The following COL13A1 variants were observed in gnomAD, a reference collection of about 807,000 sequenced individuals.
COL13A1 encodes the protein collagen alpha-1(XIII) chain.
Under a neutral mutation model 130.9 loss-of-function variants are expected in COL13A1, and 89 were observed. The ratio of observed to expected loss-of-function variants is 0.68; its 90% CI spans 0.57 to 0.81. The LOEUF (loss-of-function observed/expected upper bound fraction) is 0.81. Among genes scored for constraint, COL13A1 ranks in the 30% least tolerant of loss-of-function variants. The probability of loss-of-function intolerance (pLI) is 0.00; values close to 1 mark genes in which losing one functional copy is unlikely to be tolerated. For synonymous variants in COL13A1, 402 were observed against 341.6 expected (o/e 1.18, Z -1.95); for missense variants, 879 against 934.6 (o/e 0.94, Z 0.78).
At chr10:69,836,756 C>G (rs1850176440) in intron 2 of COL13A1, among the ~76,000 whole-genome samples, 1 of 152,144 alleles carries the variant, frequency 6.6e-6, no homozygotes, top group African/African-American at 2.4e-5. Flanking sequence ...TCATGGAGAC[C>G]CTGGGGAGCC....
intron 3 of COL13A1, among the ~76,000 whole-genome samples, chr10:69,869,058 A>T (rs555272165): frequency 6.6e-6 from 1 of 151,540 alleles, no homozygotes; most frequent in Non-Finnish European, 1.5e-5. Flanking sequence ...AGCCTCCTGC[A>T]CACACCTCAC....
intron 38 of COL13A1, among the ~76,000 whole-genome samples, chr10:69,951,829 G>A (rs917288122): frequency 5.3e-5 from 8 of 152,212 alleles, no homozygotes; most frequent in African/African-American, 1.9e-4. Flanking sequence ...TCACCCTGGA[G>A]TGACACAGTT....
intron 1 of COL13A1, among the ~76,000 whole-genome samples, chr10:69,822,055 C>T (rs369141423): frequency 2.0e-5 from 3 of 152,210 alleles, no homozygotes; most frequent in African/African-American, 7.2e-5. Flanking sequence ...CTGAGAAAAG[C>T]ATGTCATTGT....
At chr10:69,832,531 G>A (rs1255629653) in intron 2 of COL13A1, among the ~76,000 whole-genome samples, 1 of 152,218 alleles carries the variant, frequency 6.6e-6, no homozygotes, top group East Asian at 1.9e-4. Flanking sequence ...GACTCCAGAT[G>A]GAGGATATTA....
At chr10:69,863,961 G>A (rs573029667) in intron 2 of COL13A1, among the ~76,000 whole-genome samples, 144 of 152,114 alleles carry the variant, frequency 9.5e-4, no homozygotes, top group Non-Finnish European at 1.9e-3. Flanking sequence ...TCAGCTACTC[G>A]GGAGGCTGAG....
chr10:69,842,149 T>TG (rs1325708430), intron 2 of COL13A1, among the ~76,000 whole-genome samples: 1 of 152,160 alleles, frequency 6.6e-6, no homozygotes, highest in Non-Finnish European at 1.5e-5. Flanking sequence ...GATTGACTCA[T>TG]GGGGGTGGTT....
At chr10:69,846,757 C>T (rs531291964) in intron 2 of COL13A1, among the ~76,000 whole-genome samples, 13 of 152,316 alleles carry the variant, frequency 8.5e-5, no homozygotes, top group African/African-American at 2.9e-4. Flanking sequence ...AGGGGAGCAC[C>T]GGGAGGGACC....
At chr10:69,876,639 G>A (rs2059599632) in intron 5 of COL13A1, among the ~76,000 whole-genome samples, 1 of 152,184 alleles carries the variant, frequency 6.6e-6, no homozygotes, top group Admixed American at 6.5e-5. Flanking sequence ...AGCCGTCACA[G>A]GCTCTGTACA....
In COL13A1 at chr10:69,930,899, CT is replaced by C. The variant is rs2066026799; in HGVS notation, c.1683+348del. ...AAAGAGATGAAGACATGGTTTAGAGCTGCCTCTTTGGAAAGTGTACAGAAGC... is the reference window on the plus strand; with the variant it reads ...AAAGAGATGAAGACATGGTTTAGAGCGCCTCTTTGGAAAGTGTACAGAAGC... On this transcript the variant is annotated intron_variant, in intron 30 of 40. Transcript: ENST00000645393. 2.0e-5 allele frequency among the ~76,000 whole-genome samples: 3 copies of C among 152,246 alleles called. No individual in the cohort carries two copies. In the South Asian group the frequency reaches 6.2e-4, roughly 31 times the overall value.
chr10:69,814,028 C>A (rs1843754693), intron 1 of COL13A1, among the ~76,000 whole-genome samples: 1 of 152,186 alleles, frequency 6.6e-6, no homozygotes, highest in African/African-American at 2.4e-5. Flanking sequence ...GACATCTGAC[C>A]CGGGACCCTG....
intron 19 of COL13A1, among the ~76,000 whole-genome samples, chr10:69,918,761 G>A (rs570190204): frequency 6.6e-6 from 1 of 152,212 alleles, no homozygotes; most frequent in South Asian, 2.1e-4. Flanking sequence ...TGCACTTACA[G>A]GGGGCACCAT....
intron 35 of COL13A1, among the ~76,000 whole-genome samples, 183 bp from the exon 36 acceptor site, chr10:69,943,942 C>A (rs1002091910): frequency 1.3e-5 from 2 of 152,224 alleles, no homozygotes; most frequent in African/African-American, 4.8e-5. Context: ...GGTGCTCTCT[C>A]CCCAACAGCC....
At chr10:69,871,575 G>C (rs550837824) in intron 3 of COL13A1, among the ~76,000 whole-genome samples, 1 of 152,324 alleles carries the variant, frequency 6.6e-6, no homozygotes, top group Non-Finnish European at 1.5e-5. Context: ...TCCTGGTGCT[G>C]CCTGAACTTT....
At chr10:69,897,734 A>G (rs1433945091) in intron 13 of COL13A1, among the ~76,000 whole-genome samples, 1 of 152,172 alleles carries the variant, frequency 6.6e-6, no homozygotes, top group Admixed American at 6.5e-5. Flanking sequence ...TCGCAGCCCA[A>G]GCAGCTCCTG....
At position 69,925,836 on chromosome 10, in the gene COL13A1, G is replaced by A; in HGVS notation, c.1362G>A (p.Met454Ile). 1.9e-6 allele frequency: 3 copies of A among 1,600,948 alleles called. No homozygotes were observed. The highest frequency in any genetic ancestry group is 2.6e-6 in the Non-Finnish European group (3 of 1,173,868). ...GSKGEPGKGE[M>I]VDYNGNINEA... Reference sequence around the variant, plus strand: ...AGGGAGAACCAGGGAAAGGAGAGATGGTGGATTACAATGGAAACATCAATG... The same window carrying A: ...AGGGAGAACCAGGGAAAGGAGAGATAGTGGATTACAATGGAAACATCAATG... Residue 454 changes from methionine to isoleucine, a missense_variant, in exon 26 of 41, where the codon ATG (methionine) becomes ATA (isoleucine). Transcript: ENST00000645393.
chr10:69,939,467 C>A (rs1297089078), intron 34 of COL13A1, among the ~76,000 whole-genome samples: 1 of 152,246 alleles, frequency 6.6e-6, no homozygotes, highest in African/African-American at 2.4e-5. Context: ...CTGCTCCAGA[C>A]CTCTCAAGAC....
intron 2 of COL13A1, among the ~76,000 whole-genome samples, chr10:69,857,044 C>T (rs1173265416): frequency 6.6e-6 from 1 of 152,164 alleles, no homozygotes; most frequent in Non-Finnish European, 1.5e-5. Context: ...CAGCCCAGCC[C>T]CTCTGACCCG....
chr10:69,846,916 C>T (rs1243293025), intron 2 of COL13A1, among the ~76,000 whole-genome samples: 1 of 152,216 alleles, frequency 6.6e-6, no homozygotes, highest in African/African-American at 2.4e-5. Context: ...CCCGCTGATT[C>T]AAGTGGGGGT....
At chr10:69,948,648 C>T (rs541149155) in intron 38 of COL13A1, among the ~76,000 whole-genome samples, 31 of 152,342 alleles carry the variant, frequency 2.0e-4, no homozygotes, top group African/African-American at 6.7e-4. Context: ...GTCTTTCTGA[C>T]ATGTTCTAGT....
Sources: gnomAD v4.1 joint callset for allele counts (sites outside exome capture counted in the v4.1 genomes callset) on GRCh38, gnomAD v4.1.1 for gene constraint, MANE v1.5 for transcripts, NCBI Gene and HGNC (gene_info 2026-07-23, HGNC 2026-07-21) for gene names.